The following NAALADL1 variants were observed in gnomAD, a reference collection of about 807,000 sequenced individuals.
NAALADL1 encodes N-acetylated alpha-linked acidic dipeptidase like 1.
NAALADL1 carries 77 observed loss-of-function variants against 82.8 expected under a neutral mutation model. The ratio of observed to expected loss-of-function variants is 0.93; its 90% CI spans 0.77 to 1.12. The LOEUF (loss-of-function observed/expected upper bound fraction) is 1.12, where lower values mean the gene tolerates loss of function less well. Ranked by LOEUF, NAALADL1 falls within the 50% of genes most tolerant of loss-of-function variation. The pLI is 0.00. For synonymous variants in NAALADL1, 358 were observed against 399.2 expected (o/e 0.90, Z 1.23); for missense variants, 956 against 964.0 (o/e 0.99, Z 0.11).
At chr11:65,057,027 ATT>A (rs1011880081) in intron 4 of NAALADL1, among the ~76,000 whole-genome samples, 5 of 152,206 alleles carry the variant, frequency 3.3e-5, no homozygotes, top group Non-Finnish European at 7.3e-5. Context: ...CCTAGTCAGA[ATT>A]TTTGATGGAA....
At chr11:65,060,040 T>C (rs1947153697), upstream of NAALADL1, among the ~76,000 whole-genome samples, 1 of 152,198 alleles carries the variant, frequency 6.6e-6, no homozygotes, top group Non-Finnish European at 1.5e-5. Flanking sequence ...TGGCCTATCC[T>C]GCCTTGACTC....
In NAALADL1 at chr11:65,046,662, A is replaced by C. The variant is rs1422904772; in HGVS notation, c.1600-136T>G. 3 of 823,346 alleles carry C rather than the reference A, an allele frequency of 3.6e-6. No homozygotes were observed. The African/African-American group carries it at 5.1e-5, about 14-fold the overall frequency. 51.0% of individuals were successfully genotyped at this position (823,346 alleles called of 1,614,324 possible). ...CTGTGAGGTGGCTTCTAGAATTCCC[A>C]CAGAAAAGGAAACTGAAGCTCAGAG... On this transcript the variant is annotated intron_variant, in intron 13 of 17. Transcript: ENST00000358658.
At position 65,057,985 on chromosome 11, in the gene NAALADL1, C is replaced by T. The variant is rs1295649761; in HGVS notation, c.370G>A (p.Gly124Arg). The change falls in exon 3 of 18, where the codon GGG (glycine) becomes AGG (arginine). Residue 124 changes from glycine to arginine, a missense_variant. Coordinates refer to ENST00000358658, the MANE Select transcript of NAALADL1 (RefSeq NM_005468.3). The stretch of plus-strand genomic sequence containing the variant: ...CGGTGGCAGGAGTGGATGATGCCCC[C>T]AGTGGGGCCCACTGTTGGAGGGGTG... ...PNVVDIVGPTGGIIHSCHRTE... is the reference protein window; with the variant it reads ...PNVVDIVGPTRGIIHSCHRTE... 4 of 1,614,038 alleles carry T rather than the reference C, an allele frequency of 2.5e-6. No individual in the cohort carries two copies. Among genetic ancestry groups the T allele is most frequent in the Non-Finnish European group, 3.4e-6 (4 of 1,180,020 alleles).
chr11:65,055,137 C>G (rs772066779), intron 4 of NAALADL1, among the ~76,000 whole-genome samples: 2 of 152,248 alleles, frequency 1.3e-5, no homozygotes, highest in Non-Finnish European at 2.9e-5. Context: ...TGGGGTGGCT[C>G]ACGCCTGTAA....
intron 16 of NAALADL1, 49 bp from the exon 17 acceptor site, chr11:65,045,963 C>T: frequency 6.2e-7 from 1 of 1,611,908 alleles, no homozygotes; most frequent in Non-Finnish European, 8.5e-7. Flanking sequence ...AGCAGCCCAG[C>T]TACCAGCCTG....
chr11:65,051,460 G>A (rs747351920), intron 8 of NAALADL1, among the ~76,000 whole-genome samples: 12 of 149,342 alleles, frequency 8.0e-5, no homozygotes, highest in East Asian at 3.9e-4. Context: ...CACAGCCTCC[G>A]AAGTAGCTGG....
chr11:65,060,403 G>A (rs1008407212), upstream of NAALADL1, among the ~76,000 whole-genome samples: 11 of 152,078 alleles, frequency 7.2e-5, no homozygotes, highest in Admixed American at 3.9e-4. Context: ...GAAGCCCATC[G>A]GTGCAGGGAG....
chr11:65,060,842 T>C (rs1425655527), upstream of NAALADL1, among the ~76,000 whole-genome samples: 2 of 152,106 alleles, frequency 1.3e-5, no homozygotes, highest in Non-Finnish European at 2.9e-5. Context: ...TTAGAGCACA[T>C]GAACACCTTT....
rs1487501023 is a variant in NAALADL1, at chr11:65,054,624, G to A, written c.718C>T (p.Pro240Ser). ...DETFPNSWYL[P>S]PSGVERGSYY... The stretch of plus-strand genomic sequence containing the variant: ...GAGCCTCGCTCCACTCCTGAGGGGG[G>A]CAGGTACCAGGAGTTGGGAAAGGTT... The change falls in exon 5 of 18, where the codon CCC becomes TCC. Residue 240 changes from proline (P) to serine (S), a missense_variant. Transcript: ENST00000358658. The surrounding 1 kb of genome is among the most constrained non-coding windows in gnomAD (Gnocchi z 4.3). 1 of 1,613,884 alleles carries A rather than the reference G, an allele frequency of 6.2e-7. No homozygotes were observed. The highest frequency in any genetic ancestry group is 1.3e-5 in the African/African-American group (1 of 74,908).
chr11:65,047,602 G>T (rs1012203591), intron 12 of NAALADL1, 37 bp from the exon 13 acceptor site: 3 of 1,579,168 alleles, frequency 1.9e-6, no homozygotes, highest in Non-Finnish European at 8.6e-7. Context: ...AAGAGCGCTG[G>T]GCCGGACCGC....
At chr11:65,057,626 C>T (rs567737971) in intron 3 of NAALADL1, 133 bp from the exon 4 acceptor site, 54 of 1,335,718 alleles carry the variant, frequency 4.0e-5, no homozygotes, top group Non-Finnish European at 8.0e-6. Context: ...TTGTAAGCTC[C>T]CCAAGAACAG....
chr11:65,059,183 T>G (rs1369358858), upstream of NAALADL1, among the ~76,000 whole-genome samples: 1 of 152,064 alleles, frequency 6.6e-6, no homozygotes, highest in Non-Finnish European at 1.5e-5. Flanking sequence ...CAGCTAATTT[T>G]TGTATTTTTA....
Position 65,045,444 on chromosome 11 carries a change from C to A in NAALADL1, c.2050G>T (p.Ala684Ser). Residue 684 changes from alanine (A) to serine (S), a missense_variant, in exon 18 of 18, where the codon GCA becomes TCA. Ala to Ser is a moderately conservative substitution (Grantham distance 99). Coordinates refer to ENST00000358658, the MANE Select transcript of NAALADL1 (RefSeq NM_005468.3). ...EERYYSHVLW[A>S]PRTGSVVTFP... ...GTGACTACGGAGCCCGTGCGAGGTG[C>A]CCAGAGCACATGGCTGACAAGAGAA... 1.2e-6 allele frequency: 2 copies of A among 1,606,278 alleles called. No homozygotes were observed. Among genetic ancestry groups the A allele is most frequent in the Non-Finnish European group, 1.7e-6 (2 of 1,175,324 alleles).
At chr11:65,049,794 G>A (rs1946836576) in intron 8 of NAALADL1, among the ~76,000 whole-genome samples, 1 of 152,136 alleles carries the variant, frequency 6.6e-6, no homozygotes, top group South Asian at 2.1e-4. Context: ...GATCGCTTGA[G>A]CCCAGGAGGT....
rs1420227659 is a variant in NAALADL1, at chr11:65,045,273, A to G, written c.2221T>C (p.Ter741ArgextTer20). 2 of 1,604,768 alleles carry G rather than the reference A, an allele frequency of 1.2e-6. No homozygotes were observed. The highest frequency in any genetic ancestry group is 1.1e-5 in the South Asian group (1 of 90,266). The stretch of plus-strand genomic sequence containing the variant: ...GGGCTGAAGAAAGAGGGCTGGGGTC[A>G]GAGGTCAGCCACAGGCCTCAGGGTG... ...AATLRPVADL[*>R] Residue 741 changes from the stop codon to arginine, a stop_lost, in exon 18 of 18, where the codon TGA (stop) becomes CGA (arginine). Transcript: ENST00000358658.
At chr11:65,059,683 A>G (rs1590778085), upstream of NAALADL1, among the ~76,000 whole-genome samples, 1 of 152,174 alleles carries the variant, frequency 6.6e-6, no homozygotes, top group East Asian at 1.9e-4. Flanking sequence ...TCCTTTATAC[A>G]TGCAAGCACT....
At chr11:65,060,244 G>A (rs1228143837), upstream of NAALADL1, among the ~76,000 whole-genome samples, 1 of 152,076 alleles carries the variant, frequency 6.6e-6, no homozygotes, top group Admixed American at 6.5e-5. Flanking sequence ...CATCTCTTGT[G>A]CTGCTGGTGA....
chr11:65,050,683 A>G (rs1436200090), intron 8 of NAALADL1, among the ~76,000 whole-genome samples: 1 of 149,612 alleles, frequency 6.7e-6, no homozygotes, highest in African/African-American at 2.5e-5. Flanking sequence ...CCAGCTACTC[A>G]GGAGGCTGAG....
Position 65,053,615 on chromosome 11 carries a change from G to C in NAALADL1, c.993-39C>G. ...AGGGTGTGAGAAGACTCTTGGCCTT[G>C]CCCACTGCCCCCGACCCAGTGCAGG... On this transcript the variant is annotated intron_variant, in intron 6 of 17. Coordinates refer to ENST00000358658, the MANE Select transcript of NAALADL1 (RefSeq NM_005468.3). The surrounding 1 kb of genome is among the most constrained non-coding windows in gnomAD (Gnocchi z 4.3). 1 of 1,531,508 alleles carries C rather than the reference G, an allele frequency of 6.5e-7. No individual in the cohort carries two copies. The highest frequency in any genetic ancestry group is 8.8e-7 in the Non-Finnish European group (1 of 1,130,598). 94.9% of individuals were successfully genotyped at this position (1,531,508 alleles called of 1,614,324 possible). A position where few individuals can be genotyped will look rare whatever the true frequency, so the allele number is the denominator to read the frequency against.
Sources: gnomAD v4.1 joint callset for allele counts (sites outside exome capture counted in the v4.1 genomes callset) on GRCh38, gnomAD v4.1.1 for gene constraint, Gnocchi (gnomAD v3.1) non-coding constraint, MANE v1.5 for transcripts, NCBI Gene and HGNC (gene_info 2026-07-23, HGNC 2026-07-21) for gene names.